CUL5: variants seen among roughly 807,000 people sequenced by gnomAD.
CUL5 encodes cullin-5.
Under a neutral mutation model 108.8 loss-of-function variants are expected in CUL5, and 26 were observed. The ratio of observed to expected loss-of-function variants is 0.24; its 90% CI spans 0.18 to 0.33. The LOEUF (loss-of-function observed/expected upper bound fraction) is 0.33, where lower values mean the gene tolerates loss of function less well. Ranked by LOEUF, CUL5 falls within the 10% of genes least tolerant of loss-of-function variation. CUL5 has a pLI of 1.00. For missense variants in CUL5, 524 were observed against 909.2 expected, an observed-to-expected ratio of 0.58 and a Z score of 5.45; for synonymous variants, 334 against 298.0, an observed-to-expected ratio of 1.12 and a Z score of -1.25.
chr11:108,016,235 C>CTCTTCTCTTCTCTTCTCG (rs1158363881), intron 1 of CUL5, among the ~76,000 whole-genome samples: 8 of 128,502 alleles, frequency 6.2e-5, no homozygotes, highest in African/African-American at 3.3e-4. Flanking sequence ...TTTTTCTTTT[C>CTCTTCTCTTCTCTTCTCG]TCTTCTCTTC....
At chr11:108,058,756 C>T (rs1259843898) in intron 7 of CUL5, among the ~76,000 whole-genome samples, 1 of 152,000 alleles carries the variant, frequency 6.6e-6, no homozygotes, top group Non-Finnish European at 1.5e-5. Flanking sequence ...GTCTGAAGCC[C>T]TACTCTTACA....
intron 17 of CUL5, 35 bp downstream of exon 17, chr11:108,097,789 T>G: frequency 1.7e-6 from 2 of 1,194,952 alleles, no homozygotes; most frequent in Non-Finnish European, 2.4e-6. Flanking sequence ...TAAAAACACC[T>G]TGTTTGAATT....
intron 1 of CUL5, among the ~76,000 whole-genome samples, chr11:108,024,648 A>G (rs1331327945): frequency 6.6e-6 from 1 of 152,232 alleles, no homozygotes; most frequent in African/African-American, 2.4e-5. Flanking sequence ...AAATTTATTT[A>G]CAGATGTCAG....
chr11:108,023,121 T>TA (rs1349624678), intron 1 of CUL5, among the ~76,000 whole-genome samples: 2 of 152,106 alleles, frequency 1.3e-5, no homozygotes, highest in Non-Finnish European at 2.9e-5. Flanking sequence ...CACATGCCTG[T>TA]AATCCCAGCT....
chr11:108,027,700 C>A (rs1459949385), intron 1 of CUL5, among the ~76,000 whole-genome samples: 2 of 152,166 alleles, frequency 1.3e-5, no homozygotes, highest in Non-Finnish European at 2.9e-5. Context: ...AACTATTGCG[C>A]CTGGCTCCTC....
intron 5 of CUL5, 47 bp downstream of exon 5, chr11:108,052,848 G>T: frequency 6.5e-7 from 1 of 1,537,454 alleles, no homozygotes; most frequent in Non-Finnish European, 8.9e-7. Flanking sequence ...CATGGAAATT[G>T]TAGAACAATT....
At chr11:108,032,085 A>G (rs558041563) in intron 1 of CUL5, among the ~76,000 whole-genome samples, 2 of 152,326 alleles carry the variant, frequency 1.3e-5, no homozygotes, top group Admixed American at 6.5e-5. Flanking sequence ...CTGGATAATG[A>G]AATAATCTGT....
At chr11:108,072,013 CA>C (rs1863836988) in intron 8 of CUL5, among the ~76,000 whole-genome samples, 1 of 151,902 alleles carries the variant, frequency 6.6e-6, no homozygotes, top group Non-Finnish European at 1.5e-5. Flanking sequence ...CCTGTCTCTA[CA>C]AAATTACAAA....
At chr11:108,071,461 C>T (rs1056834676) in intron 8 of CUL5, among the ~76,000 whole-genome samples, 2 of 152,118 alleles carry the variant, frequency 1.3e-5, no homozygotes, top group African/African-American at 4.8e-5. Flanking sequence ...CAGAGCCCCA[C>T]CTTGTTGCCC....
At chr11:108,057,426 T>G (rs1268993366) in intron 7 of CUL5, among the ~76,000 whole-genome samples, 1 of 152,192 alleles carries the variant, frequency 6.6e-6, no homozygotes, top group African/African-American at 2.4e-5. Context: ...GACACCATCT[T>G]AATTAAGTGA....
At chr11:108,019,135 C>T (rs1158734580) in intron 1 of CUL5, among the ~76,000 whole-genome samples, 1 of 134,834 alleles carries the variant, frequency 7.4e-6, no homozygotes, top group East Asian at 2.2e-4. Context: ...GGGTAATAAG[C>T]AAATGCTATG....
chr11:108,083,647 C>A (rs764823719), intron 11 of CUL5, among the ~76,000 whole-genome samples: 3 of 152,168 alleles, frequency 2.0e-5, no homozygotes, highest in Non-Finnish European at 4.4e-5. Flanking sequence ...AAAAATTAGA[C>A]GAGCATGATG....
At chr11:108,042,834 C>T (rs188007916) in intron 2 of CUL5, among the ~76,000 whole-genome samples, 37 of 152,234 alleles carry the variant, frequency 2.4e-4, no homozygotes, top group African/African-American at 8.4e-4. Flanking sequence ...GCAGTCTTCG[C>T]TCACTGCAAC....
intron 17 of CUL5, among the ~76,000 whole-genome samples, chr11:108,098,034 GC>G (rs1313930089): frequency 3.9e-5 from 6 of 152,094 alleles, no homozygotes; most frequent in African/African-American, 1.4e-4. Flanking sequence ...TTCAGAGAAA[GC>G]GTTTTTTGTG....
Position 108,054,681 on chromosome 11 carries a change from A to G in CUL5, c.588A>G (p.Gln196=), listed in dbSNP as rs1330053813. 1.1e-5 allele frequency: 17 copies of G among 1,605,056 alleles called. No homozygotes were observed. Among genetic ancestry groups the G allele is most frequent in the Admixed American group, 1.7e-5 (1 of 59,614 alleles). Residue 196 remains glutamine (Q), a synonymous_variant, in exon 6 of 19, where the codon CAA becomes CAG. Coordinates refer to ENST00000393094, the MANE Select transcript of CUL5 (RefSeq NM_003478.6). The part of the protein sequence containing the change: ...NLCSNPEDKL[Q]IYRDNFEKAY... Reference sequence around the variant, plus strand: ...GTTCTAATCCTGAGGATAAACTTCAAATTTATAGGGACAATTTTGAGAAGG... The same window carrying G: ...GTTCTAATCCTGAGGATAAACTTCAGATTTATAGGGACAATTTTGAGAAGG...
At chr11:108,045,004 C>G (rs1265065516) in intron 2 of CUL5, among the ~76,000 whole-genome samples, 2 of 152,130 alleles carry the variant, frequency 1.3e-5, no homozygotes, top group Non-Finnish European at 2.9e-5. Flanking sequence ...CTCAAGTGAT[C>G]TGCCCACCTC....
chr11:108,025,708 T>G (rs1452758365), intron 1 of CUL5, among the ~76,000 whole-genome samples: 4 of 152,166 alleles, frequency 2.6e-5, no homozygotes, highest in African/African-American at 9.7e-5. Flanking sequence ...TACAGTTTTC[T>G]CACACCCAGG....
chr11:108,094,985 A>G lies in CUL5; in HGVS notation c.1741A>G (p.Ile581Val), dbSNP rs1864452980. Residue 581 changes from isoleucine to valine, a missense_variant and splice_region_variant, in exon 15 of 19, where the codon ATT becomes GTT. Ile to Val is a conservative substitution (Grantham distance 29, BLOSUM62 3). Coordinates refer to ENST00000393094, the MANE Select transcript of CUL5 (RefSeq NM_003478.6). ...TTGGCATCATCTCATGTCAAATGGA[A>G]TTGTAAGTAGATAGTGTGTTAGTTA... Reference protein sequence around the residue: ...LHWHHLMSNGIITFKNEVGQY... With the variant: ...LHWHHLMSNGVITFKNEVGQY... 1 of 1,605,926 alleles carries G rather than the reference A, an allele frequency of 6.2e-7. No individual in the cohort carries two copies. Among genetic ancestry groups the G allele is most frequent in the Non-Finnish European group, 8.5e-7 (1 of 1,175,964 alleles).
intron 2 of CUL5, among the ~76,000 whole-genome samples, chr11:108,036,731 G>A (rs1240065299): frequency 6.6e-6 from 1 of 152,190 alleles, no homozygotes; most frequent in Non-Finnish European, 1.5e-5. Context: ...TGCCCACCTT[G>A]GCCTCCCAAA....
Sources: gnomAD v4.1 joint callset for allele counts (sites outside exome capture counted in the v4.1 genomes callset) on GRCh38, gnomAD v4.1.1 for gene constraint, MANE v1.5 for transcripts, NCBI Gene and HGNC (gene_info 2026-07-23, HGNC 2026-07-21) for gene names.